The following FSTL5 variants were observed in gnomAD, a reference collection of about 807,000 sequenced individuals.
The protein encoded by FSTL5 is follistatin-related protein 5.
In FSTL5, 62 loss-of-function variants were observed where a neutral mutation model predicts 89.1. The ratio of observed to expected loss-of-function variants is 0.70; its 90% confidence interval spans 0.57 to 0.86. The LOEUF is 0.86. FSTL5 is among the 40% of genes least tolerant of loss of function. The pLI is 0.00. For synonymous variants in FSTL5, 383 were observed against 346.2 expected (o/e 1.11, Z -1.18); for missense variants, 1,057 against 1,001.6 (o/e 1.06, Z -0.75).
chr4:161,560,018 T>G (rs1732535572), intron 8 of FSTL5, among the ~76,000 whole-genome samples: 2 of 150,760 alleles, frequency 1.3e-5, no homozygotes, highest in Admixed American at 1.3e-4. Context: ...ATTTGTAAAC[T>G]TTCTTAAAAC....
chr4:161,427,721 G>C (rs559600906), intron 15 of FSTL5, among the ~76,000 whole-genome samples: 55 of 152,074 alleles, frequency 3.6e-4, no homozygotes, highest in Non-Finnish European at 6.6e-4. Flanking sequence ...TAAATGATAC[G>C]TAAAGACAAT....
chr4:161,423,832 T>TTTTTA lies in FSTL5; in HGVS notation c.1841+31167_1841+31171dup, dbSNP rs553668067. On this transcript the variant is annotated intron_variant, in intron 15 of 15. Coordinates refer to ENST00000306100, the MANE Select transcript of FSTL5 (RefSeq NM_020116.5). ...GGACAAGGCTTGATCTTTCCTAGTA[T>TTTTTA]TTTTATTTTATTTTATTTTATTTTA... Among the ~76,000 whole-genome samples the TTTTTA allele has an allele frequency of 5.7e-3, 865 of 151,370 alleles. 4 individuals carry two copies. Among genetic ancestry groups the TTTTTA allele is most frequent in the South Asian group, 0.024 (116 of 4,808 alleles).
intron 12 of FSTL5, among the ~76,000 whole-genome samples, chr4:161,488,620 A>G (rs1729760888): frequency 6.6e-6 from 1 of 152,084 alleles, no homozygotes; most frequent in South Asian, 2.1e-4. Context: ...ACTCATTGGT[A>G]AATTGGGTAT....
At chr4:161,837,127 G>T (rs1731071669) in intron 4 of FSTL5, among the ~76,000 whole-genome samples, 2 of 152,070 alleles carry the variant, frequency 1.3e-5, no homozygotes, top group Non-Finnish European at 1.5e-5. Flanking sequence ...GTTGAAAATA[G>T]GGTTTAAAAA....
chr4:161,575,080 G>A (rs1163563469), intron 8 of FSTL5, among the ~76,000 whole-genome samples: 1 of 152,068 alleles, frequency 6.6e-6, no homozygotes. Context: ...GTTTTGATTT[G>A]CATTTCTCTA....
At chr4:161,541,041 C>T (rs1184570146) in intron 9 of FSTL5, among the ~76,000 whole-genome samples, 1 of 152,100 alleles carries the variant, frequency 6.6e-6, no homozygotes, top group African/African-American at 2.4e-5. Context: ...CACATATTAT[C>T]CCAGCCATTG....
intron 1 of FSTL5, among the ~76,000 whole-genome samples, chr4:162,142,961 A>G (rs1732806681): frequency 6.6e-6 from 1 of 152,176 alleles, no homozygotes; most frequent in Admixed American, 6.5e-5. Context: ...GCTCTCAAGT[A>G]ATGACAACTG....
intron 3 of FSTL5, among the ~76,000 whole-genome samples, chr4:161,949,095 T>C (rs987157737): frequency 6.6e-6 from 1 of 152,138 alleles, no homozygotes; most frequent in African/African-American, 2.4e-5. Context: ...TTTCCTTCCC[T>C]TTCTTCAGCT....
chr4:161,977,985 C>T (rs1037764715), intron 3 of FSTL5, among the ~76,000 whole-genome samples: 2 of 152,062 alleles, frequency 1.3e-5, no homozygotes, highest in African/African-American at 4.8e-5. Flanking sequence ...ATGCAAAATC[C>T]ATTTCTTACT....
intron 2 of FSTL5, among the ~76,000 whole-genome samples, chr4:162,044,863 C>A (rs1338956454): frequency 6.6e-6 from 1 of 152,178 alleles, no homozygotes; most frequent in East Asian, 1.9e-4. Flanking sequence ...TTTCTCACCT[C>A]TCTCAACCTT....
intron 2 of FSTL5, among the ~76,000 whole-genome samples, chr4:162,036,399 A>T (rs1413911333): frequency 6.6e-6 from 1 of 151,996 alleles, no homozygotes; most frequent in Non-Finnish European, 1.5e-5. Flanking sequence ...ATAAACCTCA[A>T]ATTTTCATTA....
intron 4 of FSTL5, among the ~76,000 whole-genome samples, chr4:161,888,044 G>C (rs1439492968): frequency 6.8e-6 from 1 of 147,534 alleles, no homozygotes; most frequent in African/African-American, 2.5e-5. Flanking sequence ...CATGAGATCT[G>C]ATGGTTTTAT....
At chr4:161,718,428 A>G (rs2126747702) in intron 6 of FSTL5, among the ~76,000 whole-genome samples, 1 of 151,798 alleles carries the variant, frequency 6.6e-6, no homozygotes, top group South Asian at 2.1e-4. Context: ...GGAGAATATG[A>G]TAATACATTT....
intron 1 of FSTL5, among the ~76,000 whole-genome samples, chr4:162,119,610 A>G (rs1032742673): frequency 6.6e-6 from 1 of 152,222 alleles, no homozygotes; most frequent in African/African-American, 2.4e-5. Flanking sequence ...ATCAATGTAG[A>G]ATGATTAGAT....
intron 8 of FSTL5, among the ~76,000 whole-genome samples, chr4:161,543,787 C>G (rs1731913321): frequency 6.6e-6 from 1 of 151,908 alleles, no homozygotes; most frequent in South Asian, 2.1e-4. Flanking sequence ...AATGTAGGAG[C>G]TAAAACAATA....
At chr4:161,574,873 G>A (rs1367263851) in intron 8 of FSTL5, among the ~76,000 whole-genome samples, 3 of 152,114 alleles carry the variant, frequency 2.0e-5, no homozygotes, top group African/African-American at 4.8e-5. Flanking sequence ...TAATGGGATC[G>A]CTGGGTCAAA....
At chr4:161,773,145 G>C (rs1308337568) in intron 5 of FSTL5, among the ~76,000 whole-genome samples, 6 of 152,048 alleles carry the variant, frequency 3.9e-5, no homozygotes, top group Admixed American at 3.9e-4. Flanking sequence ...AAACCACATG[G>C]AGAAGAATGA....
intron 4 of FSTL5, among the ~76,000 whole-genome samples, chr4:161,812,279 A>G (rs1730172684): frequency 6.6e-6 from 1 of 152,246 alleles, no homozygotes; most frequent in Non-Finnish European, 1.5e-5. Flanking sequence ...TTAAGAAAGC[A>G]CTGTGAATTT....
At chr4:161,493,351 CT>C (rs1172314026) in intron 12 of FSTL5, among the ~76,000 whole-genome samples, 7 of 151,574 alleles carry the variant, frequency 4.6e-5, no homozygotes, top group Admixed American at 1.3e-4. Context: ...CACTAACTAC[CT>C]TTTTTTAGTG....
Sources: gnomAD v4.1 joint callset for allele counts (sites outside exome capture counted in the v4.1 genomes callset) on GRCh38, gnomAD v4.1.1 for gene constraint, MANE v1.5 for transcripts, NCBI Gene and HGNC (gene_info 2026-07-23, HGNC 2026-07-21) for gene names.